The following DNAH12 variants were observed in gnomAD, a reference collection of about 807,000 sequenced individuals.
DNAH12 encodes the protein axonemal beta dynein heavy chain 12.
A neutral mutation model predicts 371.5 loss-of-function variants in DNAH12; 285 were observed. The ratio of observed to expected loss-of-function variants is 0.77; its 90% CI spans 0.70 to 0.85. DNAH12 has a LOEUF of 0.85. Among genes scored for constraint, DNAH12 ranks in the 40% least tolerant of loss-of-function variants. The pLI is 0.00. For synonymous variants in DNAH12, 1,200 were observed against 1,213.0 expected, an observed-to-expected ratio of 0.99 and a Z score of 0.22; for missense variants, 3,611 against 3,689.4, an observed-to-expected ratio of 0.98 and a Z score of 0.55.
chr3:57,484,199 A>G (rs965638746), intron 12 of DNAH12, among the ~76,000 whole-genome samples: 3 of 151,972 alleles, frequency 2.0e-5, no homozygotes, highest in Non-Finnish European at 4.4e-5. Flanking sequence ...AATCATTAGT[A>G]TAATTATTAG....
chr3:57,526,256 T>C (rs1317198070), intron 2 of DNAH12, among the ~76,000 whole-genome samples: 2 of 152,202 alleles, frequency 1.3e-5, no homozygotes, highest in African/African-American at 2.4e-5. Flanking sequence ...CATGCAATGT[T>C]TGTCTTTCTG....
intron 11 of DNAH12, among the ~76,000 whole-genome samples, chr3:57,494,241 A>G (rs2067230639): frequency 6.6e-6 from 1 of 151,978 alleles, no homozygotes; most frequent in South Asian, 2.1e-4. Flanking sequence ...TAAAAACAAA[A>G]CAAAACAAAA....
At chr3:57,508,583 C>T (rs924648656) in intron 6 of DNAH12, 43 bp from the exon 7 acceptor site, 9 of 1,573,396 alleles carry the variant, frequency 5.7e-6, no homozygotes, top group African/African-American at 1.4e-5. Flanking sequence ...GAAAATAATA[C>T]ACCCTAAACT....
intron 11 of DNAH12, chr3:57,497,954 A>T (rs1268233514): frequency 6.6e-6 from 1 of 152,370 alleles, no homozygotes; most frequent in African/African-American, 2.4e-5. Flanking sequence ...AATATAGTCC[A>T]ATAAAATACA....
chr3:57,410,583 C>G (rs892024292), intron 39 of DNAH12, among the ~76,000 whole-genome samples: 1 of 152,034 alleles, frequency 6.6e-6, no homozygotes, highest in Non-Finnish European at 1.5e-5. Flanking sequence ...CTTTAGGAGG[C>G]CAAGGTGGTG....
intron 51 of DNAH12, among the ~76,000 whole-genome samples, chr3:57,379,666 C>A (rs1022443606): frequency 1.9e-4 from 29 of 151,498 alleles, no homozygotes; most frequent in African/African-American, 6.5e-4. Flanking sequence ...TATGGTAAAA[C>A]CCTGTCTCTA....
rs902155403 is a variant in DNAH12, at chr3:57,509,861, T to TAA, written c.470-651_470-650dup. Among the ~76,000 whole-genome samples, 105 of 46,552 alleles carry TAA rather than the reference T, an allele frequency of 2.3e-3. 5 individuals carry two copies. Among genetic ancestry groups the TAA allele is most frequent in the African/African-American group, 4.5e-3 (74 of 16,414 alleles). The allele number at this position is 46,552 out of a possible 152,430, so 30.5% of individuals were successfully genotyped here. Reference sequence around the variant, plus strand: ...TGGGCGACAGAGTGAGACTCCATCATAAAAAAAAAAAAAAAAAAAAAAAAA... The same window carrying TAA: ...TGGGCGACAGAGTGAGACTCCATCATAAAAAAAAAAAAAAAAAAAAAAAAAAA... On this transcript the variant is annotated intron_variant, in intron 5 of 73. Coordinates refer to ENST00000495027, the MANE Select transcript of DNAH12 (RefSeq NM_001366028.2).
intron 36 of DNAH12, among the ~76,000 whole-genome samples, chr3:57,419,867 GC>G: frequency 6.6e-6 from 1 of 151,908 alleles, no homozygotes; most frequent in Non-Finnish European, 1.5e-5. Context: ...TTCCCCAAAT[GC>G]CTTCAAGATG....
At chr3:57,315,844 TTG>T (rs1334357163) in intron 65 of DNAH12, among the ~76,000 whole-genome samples, 7 of 152,096 alleles carry the variant, frequency 4.6e-5, no homozygotes, top group African/African-American at 7.2e-5. Context: ...TGGTCTATGC[TTG>T]TGTGTCTACA....
At chr3:57,489,845 TC>T (rs2067057754) in intron 11 of DNAH12, among the ~76,000 whole-genome samples, 158 bp from the exon 12 acceptor site, 1 of 152,206 alleles carries the variant, frequency 6.6e-6, no homozygotes, top group East Asian at 1.9e-4. Context: ...CATATTTTTT[TC>T]ACCTATTCTT....
chr3:57,543,098 T>C (rs1338333608), intron 1 of DNAH12, among the ~76,000 whole-genome samples, 195 bp from the exon 2 acceptor site: 5 of 152,166 alleles, frequency 3.3e-5, no homozygotes, highest in East Asian at 1.9e-4. Context: ...AACTCACTTA[T>C]GAAGCAATGA....
At chr3:57,485,384 G>A (rs1335622659) in intron 12 of DNAH12, among the ~76,000 whole-genome samples, 1 of 151,332 alleles carries the variant, frequency 6.6e-6, no homozygotes, top group Non-Finnish European at 1.5e-5. Context: ...GCTGTAACTT[G>A]GATGGAGCTG....
intron 30 of DNAH12, among the ~76,000 whole-genome samples, chr3:57,434,655 T>C (rs2065064204): frequency 6.6e-6 from 1 of 152,078 alleles, no homozygotes; most frequent in African/African-American, 2.4e-5. Context: ...AGTGACAAAT[T>C]AACTGGTATC....
chr3:57,447,257 C>T (rs2065535749), intron 25 of DNAH12, among the ~76,000 whole-genome samples: 1 of 152,166 alleles, frequency 6.6e-6, no homozygotes, highest in African/African-American at 2.4e-5. Flanking sequence ...TACTTAATTA[C>T]GTACATTCTT....
chr3:57,338,038 G>C (rs782165772), intron 60 of DNAH12, among the ~76,000 whole-genome samples: 27 of 152,066 alleles, frequency 1.8e-4, no homozygotes, highest in Middle Eastern at 3.4e-3. Context: ...CTCTTTCCAC[G>C]GTCTCCCTCT....
chr3:57,314,775 AAAATAATAC>A (rs1300452163), intron 65 of DNAH12, 144 bp from the exon 66 acceptor site: 2 of 822,626 alleles, frequency 2.4e-6, no homozygotes, highest in South Asian at 2.1e-5. Flanking sequence ...AATCCTATCT[AAAATAATAC>A]TTACTATAAA....
In DNAH12 at chr3:57,413,907, A is replaced by T; in HGVS notation, c.5859T>A (p.Ile1953=). 3 of 1,549,020 alleles carry T rather than the reference A, an allele frequency of 1.9e-6. No individual in the cohort carries two copies. Among genetic ancestry groups the T allele is most frequent in the Non-Finnish European group, 2.6e-6 (3 of 1,146,160 alleles). The change falls in exon 39 of 74, where the codon ATT becomes ATA. Residue 1953 remains isoleucine (I), a synonymous_variant. Transcript: ENST00000495027. ...GTCTTTTATCCAATCTAGCCATGAT[A>T]ATGTTCTAAAATATGAAGGAAGAAT... ...ARTSANQVQN[I]IMARLDKRRK...
At chr3:57,515,658 TA>T (rs2153395694) in intron 4 of DNAH12, among the ~76,000 whole-genome samples, 1 of 152,024 alleles carries the variant, frequency 6.6e-6, no homozygotes, top group South Asian at 2.1e-4. Flanking sequence ...ACTTAATAGT[TA>T]AAGTAAAAAT....
At chr3:57,520,997 G>A (rs1293129324) in intron 4 of DNAH12, among the ~76,000 whole-genome samples, 2 of 146,314 alleles carry the variant, frequency 1.4e-5, no homozygotes, top group Admixed American at 1.4e-4. Flanking sequence ...TGGGGAGGTG[G>A]AGGTTGCAGT....
Sources: gnomAD v4.1 joint callset for allele counts (sites outside exome capture counted in the v4.1 genomes callset) on GRCh38, gnomAD v4.1.1 for gene constraint, MANE v1.5 for transcripts, NCBI Gene and HGNC (gene_info 2026-07-23, HGNC 2026-07-21) for gene names.